CNTNAP5: variants seen among roughly 807,000 people sequenced by gnomAD.
CNTNAP5 encodes contactin-associated protein-like 5.
A neutral mutation model predicts 150.2 loss-of-function variants in CNTNAP5; 72 were observed. That is an observed-to-expected ratio of 0.48 (90% CI 0.40 to 0.58). The LOEUF (loss-of-function observed/expected upper bound fraction) is 0.58, where lower values mean the gene tolerates loss of function less well. Among genes scored for constraint, CNTNAP5 ranks in the 20% least tolerant of loss-of-function variants. CNTNAP5 has a pLI of 0.00. For synonymous variants in CNTNAP5, 672 were observed against 619.8 expected (o/e 1.08, Z -1.25); for missense variants, 1,636 against 1,626.2 (o/e 1.01, Z -0.10).
intron 3 of CNTNAP5, among the ~76,000 whole-genome samples, chr2:124,363,591 A>T (rs1048116011): frequency 3.9e-5 from 6 of 152,210 alleles, no homozygotes; most frequent in Admixed American, 6.5e-5. Context: ...AGAATTATTT[A>T]TGCAAGATGA....
intron 11 of CNTNAP5, among the ~76,000 whole-genome samples, chr2:124,602,338 C>CAAAA (rs35316532): frequency 6.7e-5 from 6 of 89,772 alleles, no homozygotes; most frequent in Admixed American, 1.4e-4. Context: ...AAGACTTCAC[C>CAAAA]AAAAAAAAAA....
intron 2 of CNTNAP5, among the ~76,000 whole-genome samples, chr2:124,228,125 G>A (rs761386578): frequency 3.3e-5 from 5 of 151,996 alleles, no homozygotes; most frequent in Non-Finnish European, 5.9e-5. Context: ...CTCCATCTGA[G>A]GCCCAAGGTC....
In CNTNAP5 at chr2:124,902,966, T is replaced by C. The variant is rs1678444528; in HGVS notation, c.3521T>C (p.Ile1174Thr). The C allele has an allele frequency of 6.2e-7, 1 of 1,613,048 alleles. No homozygotes were observed. The highest frequency in any genetic ancestry group is 1.7e-5 in the Admixed American group (1 of 59,952). The change falls in exon 22 of 24, where the codon ATA (isoleucine) becomes ACA (threonine). Residue 1174 changes from isoleucine (I) to threonine (T), a missense_variant. By Grantham distance (89) the Ile-to-Thr change is moderately conservative. Coordinates refer to ENST00000682447, the MANE Select transcript of CNTNAP5 (RefSeq NM_001367498.1). ...GCMSSVQYNH[I>T]APLKAALRHA... is the part of the protein sequence containing the mutation. ...ATGTCTTCCGTCCAGTACAACCACA[T>C]AGCACCACTGAAGGCTGCCCTGCGC... is the stretch of plus-strand genomic sequence containing the variant.
At chr2:124,179,634 C>T (rs1172167561) in intron 1 of CNTNAP5, among the ~76,000 whole-genome samples, 5 of 152,188 alleles carry the variant, frequency 3.3e-5, no homozygotes, top group African/African-American at 4.8e-5. Context: ...CCAGAGCAAT[C>T]ATCATTCAAG....
At chr2:124,415,218 A>G (rs756468399) in intron 3 of CNTNAP5, among the ~76,000 whole-genome samples, 17 of 152,188 alleles carry the variant, frequency 1.1e-4, no homozygotes, top group Non-Finnish European at 1.9e-4. Flanking sequence ...AAGTTTGACA[A>G]ACCTGGGAGC....
intron 1 of CNTNAP5, among the ~76,000 whole-genome samples, chr2:124,156,829 C>T (rs1055056386): frequency 5.3e-4 from 81 of 152,240 alleles, no homozygotes; most frequent in East Asian, 5.8e-4. Context: ...GCTGGTAGTT[C>T]GGGATCAAAC....
chr2:124,243,744 A>G (rs1282256601), intron 3 of CNTNAP5, among the ~76,000 whole-genome samples: 2 of 152,100 alleles, frequency 1.3e-5, no homozygotes, highest in African/African-American at 4.8e-5. Flanking sequence ...TCATTTGTAC[A>G]CTAAGCCCCA....
At chr2:124,471,234 C>T (rs188687490) in intron 6 of CNTNAP5, among the ~76,000 whole-genome samples, 10 of 151,594 alleles carry the variant, frequency 6.6e-5, no homozygotes, top group Non-Finnish European at 1.0e-4. Context: ...GTGCTCTCTT[C>T]GATCTATTTG....
At chr2:124,613,963 G>A (rs1246746639) in intron 12 of CNTNAP5, among the ~76,000 whole-genome samples, 1 of 152,146 alleles carries the variant, frequency 6.6e-6, no homozygotes, top group Non-Finnish European at 1.5e-5. Context: ...ATGGGAGACG[G>A]GGAGAGCACA....
rs1237649524 is a variant in CNTNAP5 at position 124,798,230 on chromosome 2, C to T, written c.3127C>T (p.Leu1043Phe). 6.2e-7 allele frequency: 1 copy of T among 1,613,928 alleles called. No homozygotes were observed. Among genetic ancestry groups the T allele is most frequent in the Admixed American group, 1.7e-5 (1 of 60,022 alleles). Reference protein sequence around the residue: ...DSAPSKENIALSFVTTQAPSL... With the variant: ...DSAPSKENIAFSFVTTQAPSL... ...AGCTCCATCCAAGGAAAACATTGCA[C>T]TTAGCTTTGTGACAACCCAGGCACC... Residue 1043 changes from leucine to phenylalanine, a missense_variant, in exon 19 of 24, where the codon CTT (leucine) becomes TTT (phenylalanine). Physicochemically the swap from Leu to Phe is conservative, Grantham distance 22 (BLOSUM62 0). Coordinates refer to ENST00000682447, the MANE Select transcript of CNTNAP5 (RefSeq NM_001367498.1).
intron 1 of CNTNAP5, among the ~76,000 whole-genome samples, chr2:124,142,956 G>A (rs898395055): frequency 2.4e-5 from 3 of 122,890 alleles, no homozygotes; most frequent in Non-Finnish European, 5.0e-5. Context: ...TGATAAAGGG[G>A]ATATCACCAC....
chr2:124,292,397 G>A (rs1198814662), intron 3 of CNTNAP5, among the ~76,000 whole-genome samples: 1 of 152,014 alleles, frequency 6.6e-6, no homozygotes, highest in Non-Finnish European at 1.5e-5. Context: ...AAGCAAAGGA[G>A]GAACGGAGCA....
rs377269779 is a variant in CNTNAP5 at position 124,462,870 on chromosome 2, G to A, written c.919-11869G>A. ...ATCCATTCACGCCCATACCCCACAG[G>A]TCAAAGTTCTGCCCACACTGCAAAC... On this transcript the variant is annotated intron_variant, in intron 6 of 23. Coordinates refer to ENST00000682447, the MANE Select transcript of CNTNAP5 (RefSeq NM_001367498.1). 1.6e-4 allele frequency among the ~76,000 whole-genome samples: 24 copies of A among 152,294 alleles called. 1 individual carries two copies. In the East Asian group the frequency reaches 3.3e-3, roughly 21 times the overall value.
chr2:124,858,673 T>C (rs375593291), intron 19 of CNTNAP5, among the ~76,000 whole-genome samples: 58 of 152,270 alleles, frequency 3.8e-4, no homozygotes, highest in South Asian at 2.9e-3. Context: ...GCAAGCCTCA[T>C]GGAAACATTG....
At chr2:124,751,275 C>T (rs1036949622) in intron 14 of CNTNAP5, among the ~76,000 whole-genome samples, 2 of 152,098 alleles carry the variant, frequency 1.3e-5, no homozygotes, top group African/African-American at 2.4e-5. Context: ...ATATAAAAAT[C>T]ACCGGCCTCT....
chr2:124,027,665 C>A (rs929559777), intron 1 of CNTNAP5, among the ~76,000 whole-genome samples: 1 of 152,178 alleles, frequency 6.6e-6, no homozygotes, highest in South Asian at 2.1e-4. Flanking sequence ...TAATTCTGAA[C>A]ATTTAAAATG....
intron 4 of CNTNAP5, among the ~76,000 whole-genome samples, chr2:124,418,895 GA>G (rs1250107242): frequency 6.6e-6 from 1 of 151,864 alleles, no homozygotes; most frequent in African/African-American, 2.4e-5. Flanking sequence ...AGCACTTTGG[GA>G]GGCCGAGGCG....
chr2:124,128,063 A>T (rs893737692), intron 1 of CNTNAP5, among the ~76,000 whole-genome samples: 5 of 152,220 alleles, frequency 3.3e-5, no homozygotes, highest in Non-Finnish European at 5.9e-5. Flanking sequence ...GACAAATGGG[A>T]TCTAATTAAA....
intron 12 of CNTNAP5, 29 bp downstream of exon 12, chr2:124,609,949 T>G (rs762442245): frequency 6.3e-7 from 1 of 1,589,224 alleles, no homozygotes; most frequent in Middle Eastern, 1.7e-4. Flanking sequence ...TACTCACACT[T>G]AACCACCCCA....
Sources: gnomAD v4.1 joint callset for allele counts (sites outside exome capture counted in the v4.1 genomes callset) on GRCh38, gnomAD v4.1.1 for gene constraint, MANE v1.5 for transcripts, NCBI Gene and HGNC (gene_info 2026-07-23, HGNC 2026-07-21) for gene names.